GLIS3: variants seen among roughly 807,000 people sequenced by gnomAD.
GLIS3 encodes the protein zinc finger protein GLIS3.
GLIS3 carries 53 observed loss-of-function variants against 78.6 expected under a neutral mutation model. The observed-to-expected ratio is 0.67, with a 90% CI of 0.54 to 0.85. GLIS3 has a LOEUF of 0.85. Ranked by LOEUF, GLIS3 falls within the 40% of genes least tolerant of loss-of-function variation. The probability of loss-of-function intolerance (pLI) is 0.00; values close to 1 mark genes in which losing one functional copy is unlikely to be tolerated. For synonymous variants in GLIS3, 684 were observed against 509.9 expected, an observed-to-expected ratio of 1.34 and a Z score of -4.60; for missense variants, 1,703 against 1,231.1, an observed-to-expected ratio of 1.38 and a Z score of -5.74.
intron 2 of GLIS3, among the ~76,000 whole-genome samples, chr9:4,276,090 C>T (rs534541504): frequency 6.6e-6 from 1 of 151,598 alleles, no homozygotes; most frequent in East Asian, 2.0e-4. Context: ...TCAAGCTCAG[C>T]CTGAGCAACA....
the GLIS3 span, among the ~76,000 whole-genome samples, chr9:4,469,232 C>T: frequency 6.6e-6 from 1 of 152,082 alleles, no homozygotes; most frequent in Non-Finnish European, 1.5e-5. Context: ...ATCAATGAGA[C>T]AGAAAGTTAA....
chr9:4,358,516 T>C, the GLIS3 span, among the ~76,000 whole-genome samples: 1 of 152,214 alleles, frequency 6.6e-6, no homozygotes, highest in Admixed American at 6.5e-5. Context: ...AGCATTTTTG[T>C]GTACCTACTA....
chr9:4,310,051 G>C (rs191158434), intron 3 of GLIS3, among the ~76,000 whole-genome samples: 10 of 152,312 alleles, frequency 6.6e-5, no homozygotes, highest in Admixed American at 6.5e-4. Context: ...AATTTATCCT[G>C]AGGATGCCAA....
At chr9:4,416,836 T>TTTA in the GLIS3 span, among the ~76,000 whole-genome samples, 2 of 149,668 alleles carry the variant, frequency 1.3e-5, no homozygotes, top group Non-Finnish European at 3.0e-5. Flanking sequence ...TTTTTTTTTT[T>TTTA]AGATGGAGTT....
At chr9:3,978,208 CT>C (rs563936003) in intron 4 of GLIS3, among the ~76,000 whole-genome samples, 226 of 145,518 alleles carry the variant, frequency 1.6e-3, no homozygotes, top group Middle Eastern at 3.5e-3. Flanking sequence ...AAGTCTAAAC[CT>C]TTTTTTTTTT....
At chr9:4,065,356 A>G (rs1445929385) in intron 4 of GLIS3, among the ~76,000 whole-genome samples, 2 of 152,228 alleles carry the variant, frequency 1.3e-5, no homozygotes, top group African/African-American at 2.4e-5. Flanking sequence ...TTTAAGTACT[A>G]TAATATTTGT....
chr9:3,999,459 A>T (rs1381803450), intron 4 of GLIS3, among the ~76,000 whole-genome samples: 1 of 152,188 alleles, frequency 6.6e-6, no homozygotes, highest in Non-Finnish European at 1.5e-5. Flanking sequence ...ATGCACCAGC[A>T]ATGAAGAGTT....
At chr9:4,468,470 G>A in the GLIS3 span, among the ~76,000 whole-genome samples, 1 of 152,164 alleles carries the variant, frequency 6.6e-6, no homozygotes, top group African/African-American at 2.4e-5. Context: ...AAGAGAGTGG[G>A]GGCCAATATT....
At chr9:3,833,270 C>T (rs967771776) in intron 9 of GLIS3, among the ~76,000 whole-genome samples, 3 of 152,116 alleles carry the variant, frequency 2.0e-5, no homozygotes, top group Non-Finnish European at 4.4e-5. Context: ...CTCCAAGTAG[C>T]CAGTTACTAG....
At chr9:4,093,928 T>C (rs946247025) in intron 4 of GLIS3, among the ~76,000 whole-genome samples, 2 of 152,244 alleles carry the variant, frequency 1.3e-5, no homozygotes, top group Admixed American at 6.5e-5. Context: ...AACTGTGGAA[T>C]TGTAGGTCAA....
intron 2 of GLIS3, among the ~76,000 whole-genome samples, chr9:4,190,874 A>G (rs547390939): frequency 6.6e-6 from 1 of 152,354 alleles, no homozygotes; most frequent in Non-Finnish European, 1.5e-5. Flanking sequence ...GTGGGGGCCA[A>G]TATGCAACAT....
chr9:3,919,668 T>C (rs1563849655), intron 6 of GLIS3, among the ~76,000 whole-genome samples: 1 of 148,694 alleles, frequency 6.7e-6, no homozygotes, highest in African/African-American at 2.5e-5. Flanking sequence ...AAATTAAAAA[T>C]AAAAAAAAAT....
intron 4 of GLIS3, among the ~76,000 whole-genome samples, chr9:3,956,687 T>C (rs534166723): frequency 6.6e-6 from 1 of 152,344 alleles, no homozygotes; most frequent in Non-Finnish European, 1.5e-5. Flanking sequence ...AGTTGTATTT[T>C]TTTCCTCCTT....
intron 2 of GLIS3, among the ~76,000 whole-genome samples, chr9:4,209,249 A>G (rs1200667306): frequency 1.3e-5 from 2 of 152,196 alleles, no homozygotes; most frequent in East Asian, 1.9e-4. Flanking sequence ...GAACCCACAC[A>G]TCCTGACCCA....
intron 2 of GLIS3, among the ~76,000 whole-genome samples, chr9:4,277,551 T>G (rs532629594): frequency 6.6e-6 from 1 of 152,236 alleles, no homozygotes; most frequent in Admixed American, 6.5e-5. Context: ...TGGTGTCCTT[T>G]GTTGATATTA....
chr9:4,010,418 C>T (rs1821907768), intron 4 of GLIS3, among the ~76,000 whole-genome samples: 1 of 152,166 alleles, frequency 6.6e-6, no homozygotes, highest in African/African-American at 2.4e-5. Context: ...TAGCATTCCT[C>T]TCCCCTTTAG....
the GLIS3 span, among the ~76,000 whole-genome samples, chr9:4,364,790 G>A: frequency 9.9e-6 from 1 of 100,950 alleles, no homozygotes; most frequent in Non-Finnish European, 1.9e-5. Context: ...AAAGAGACAG[G>A]GTCCTGCTAT....
chr9:3,853,788 C>T (rs760167739), intron 9 of GLIS3, among the ~76,000 whole-genome samples: 1 of 152,064 alleles, frequency 6.6e-6, no homozygotes, highest in Admixed American at 6.6e-5. Context: ...GATATAAAAC[C>T]GTCAATATTT....
the GLIS3 span, among the ~76,000 whole-genome samples, chr9:4,437,680 T>G: frequency 2.0e-5 from 3 of 152,108 alleles, no homozygotes; most frequent in African/African-American, 7.2e-5. Context: ...CAAGTGTGCC[T>G]GCCTTCCCTT....
Sources: gnomAD v4.1 joint callset for allele counts (sites outside exome capture counted in the v4.1 genomes callset) on GRCh38, gnomAD v4.1.1 for gene constraint, MANE v1.5 for transcripts, NCBI Gene and HGNC (gene_info 2026-07-23, HGNC 2026-07-21) for gene names.